Variants in CHIC2 observed in about 807,000 individuals in gnomAD.
CHIC2 encodes the protein cysteine rich hydrophobic domain 2, also known as cysteine-rich hydrophobic domain-containing protein 2.
In CHIC2, 14 loss-of-function variants were observed where a neutral mutation model predicts 25.9. The ratio of observed to expected loss-of-function variants is 0.54; its 90% confidence interval spans 0.36 to 0.85. CHIC2 has a LOEUF of 0.85. Among genes scored for constraint, CHIC2 ranks in the 40% least tolerant of loss-of-function variants. CHIC2 has a pLI of 0.01. For missense variants in CHIC2, 146 were observed against 202.0 expected, an observed-to-expected ratio of 0.72 and a Z score of 1.68; for synonymous variants, 70 against 72.0, an observed-to-expected ratio of 0.97 and a Z score of 0.14.
chr4:54,051,490 G>A (rs1446641247), intron 1 of CHIC2, among the ~76,000 whole-genome samples: 1 of 151,924 alleles, frequency 6.6e-6, no homozygotes, highest in Admixed American at 6.6e-5. Context: ...TGTTGTGCCT[G>A]TCTTTAGGTA....
At chr4:54,025,883 T>TA (rs1409601662) in intron 3 of CHIC2, among the ~76,000 whole-genome samples, 4 of 151,732 alleles carry the variant, frequency 2.6e-5, no homozygotes, top group South Asian at 2.1e-4. Context: ...GGAATTGTTT[T>TA]AAAAAACAAG....
At chr4:54,051,401 T>A (rs1717003175) in intron 1 of CHIC2, among the ~76,000 whole-genome samples, 1 of 152,120 alleles carries the variant, frequency 6.6e-6, no homozygotes, top group Non-Finnish European at 1.5e-5. Context: ...AACATACATA[T>A]CTTATTTCTA....
chr4:54,079,082 T>A, the CHIC2 span, among the ~76,000 whole-genome samples: 1 of 151,692 alleles, frequency 6.6e-6, no homozygotes, highest in Non-Finnish European at 1.5e-5. Context: ...GCAGGCATGG[T>A]GGTGGGTGCC....
At chr4:54,087,541 T>C in the CHIC2 span, 1 of 1,161,350 alleles carries the variant, frequency 8.6e-7, no homozygotes, top group Non-Finnish European at 1.1e-6. Flanking sequence ...GGCCCCTGTA[T>C]GCAGAAATCC....
intron 3 of CHIC2, among the ~76,000 whole-genome samples, chr4:54,045,962 C>T (rs1018211005): frequency 2.6e-5 from 4 of 152,148 alleles, no homozygotes; most frequent in Admixed American, 1.3e-4. Context: ...TCTCAGGATA[C>T]AAAATCAAGG....
the CHIC2 span, chr4:54,076,569 G>A: frequency 5.9e-5 from 9 of 152,184 alleles, no homozygotes; most frequent in Admixed American, 6.5e-5. Context: ...TTAAGAAACT[G>A]GGCATTTCTC....
chr4:54,088,727 C>A, the CHIC2 span, among the ~76,000 whole-genome samples: 1 of 152,124 alleles, frequency 6.6e-6, no homozygotes, highest in Non-Finnish European at 1.5e-5. Flanking sequence ...ATTGTAGAGG[C>A]AAGTATAGGA....
the CHIC2 span, among the ~76,000 whole-genome samples, chr4:54,081,657 C>T: frequency 6.6e-6 from 1 of 151,982 alleles, no homozygotes; most frequent in East Asian, 1.9e-4. Context: ...CTTTAATTGC[C>T]ATATAGGAAA....
intron 3 of CHIC2, among the ~76,000 whole-genome samples, chr4:54,045,782 G>C (rs1314051739): frequency 3.6e-4 from 53 of 147,090 alleles, no homozygotes; most frequent in South Asian, 6.4e-4. Context: ...TCAACATAGT[G>C]TTGGAAGTTC....
chr4:54,087,062 G>A, the CHIC2 span: 2 of 1,114,568 alleles, frequency 1.8e-6, no homozygotes, highest in Non-Finnish European at 2.7e-6. Context: ...GTCCACAGCA[G>A]AAAAATCTTG....
chr4:54,074,834 AC>A, the CHIC2 span, among the ~76,000 whole-genome samples: 2 of 152,206 alleles, frequency 1.3e-5, no homozygotes, highest in African/African-American at 4.8e-5. Context: ...TCAGCTGGGC[AC>A]AGTGACTCAT....
the CHIC2 span, among the ~76,000 whole-genome samples, chr4:54,077,872 C>G: frequency 6.6e-6 from 1 of 152,230 alleles, no homozygotes; most frequent in East Asian, 1.9e-4. Context: ...TATCACAGAG[C>G]AGCTATCATT....
the CHIC2 span, among the ~76,000 whole-genome samples, chr4:54,077,556 C>T: frequency 2.0e-5 from 3 of 152,176 alleles, no homozygotes; most frequent in African/African-American, 7.2e-5. Flanking sequence ...ATGAATAGTT[C>T]ACACTATCTA....
the CHIC2 span, among the ~76,000 whole-genome samples, chr4:54,091,275 G>T: frequency 1.3e-5 from 2 of 152,160 alleles, no homozygotes; most frequent in Non-Finnish European, 2.9e-5. Flanking sequence ...CCAGGCTCCA[G>T]GACCAGCAGA....
intron 3 of CHIC2, among the ~76,000 whole-genome samples, chr4:54,029,078 G>A (rs1345980917): frequency 6.6e-6 from 1 of 150,474 alleles, no homozygotes; most frequent in African/African-American, 2.4e-5. Flanking sequence ...AGCCAACATC[G>A]CGCCACCGCA....
At chr4:54,025,810 G>A (rs1047696864) in intron 3 of CHIC2, among the ~76,000 whole-genome samples, 3 of 150,038 alleles carry the variant, frequency 2.0e-5, no homozygotes, top group African/African-American at 7.4e-5. Context: ...TGCAGTGAAC[G>A]TGTCACTGCA....
chr4:54,026,765 T>C (rs1292221528), intron 3 of CHIC2, among the ~76,000 whole-genome samples: 1 of 152,048 alleles, frequency 6.6e-6, no homozygotes, highest in Non-Finnish European at 1.5e-5. Flanking sequence ...TACTTCTCTT[T>C]CTTGTCTACT....
chr4:54,022,971 T>C (rs1179596253), intron 3 of CHIC2, among the ~76,000 whole-genome samples: 1 of 152,224 alleles, frequency 6.6e-6, no homozygotes, highest in Non-Finnish European at 1.5e-5. Context: ...TTGTCTTGCC[T>C]AGCCACCCTG....
intron 3 of CHIC2, among the ~76,000 whole-genome samples, chr4:54,021,877 C>T (rs911828095): frequency 3.3e-5 from 5 of 152,080 alleles, no homozygotes; most frequent in Non-Finnish European, 7.4e-5. Flanking sequence ...TCAAACCCCA[C>T]AAGAGGACTT....
Sources: allele counts gnomAD v4.1 joint callset (sites outside exome capture counted in the v4.1 genomes callset), GRCh38; gene constraint gnomAD v4.1.1; transcripts MANE v1.5; gene names NCBI Gene and HGNC (gene_info 2026-07-23, HGNC 2026-07-21).